The following IKZF3 variants were observed in gnomAD, a reference collection of about 807,000 sequenced individuals.
IKZF3 encodes the protein IKAROS family zinc finger 3, also known as zinc finger protein Aiolos.
In IKZF3, 10 loss-of-function variants were observed where a neutral mutation model predicts 49.0. The ratio of observed to expected loss-of-function variants is 0.20; its 90% CI spans 0.13 to 0.35. The LOEUF (loss-of-function observed/expected upper bound fraction) is 0.35. IKZF3 is among the 10% of genes least tolerant of loss of function. The pLI is 1.00. For missense variants in IKZF3, 498 were observed against 664.8 expected, an observed-to-expected ratio of 0.75 and a Z score of 2.76; for synonymous variants, 209 against 228.2, an observed-to-expected ratio of 0.92 and a Z score of 0.76.
intron 7 of IKZF3, among the ~76,000 whole-genome samples, chr17:39,766,863 T>G (rs1736913808): frequency 6.6e-6 from 1 of 152,146 alleles, no homozygotes; most frequent in South Asian, 2.1e-4. Context: ...GCCTGGGACT[T>G]CTGCTATAGT....
intron 3 of IKZF3, among the ~76,000 whole-genome samples, chr17:39,803,503 A>ATTCACT (rs932136146): frequency 3.3e-5 from 5 of 151,590 alleles, no homozygotes; most frequent in Non-Finnish European, 5.9e-5. Flanking sequence ...TGCATAGAAT[A>ATTCACT]TTCACTCTAT....
chr17:39,761,581 A>ATATATATATATATATATATATAC lies in IKZF3; in HGVS notation c.*4208_*4209insGTATATATATATATATATATATA, dbSNP rs1567944278. Reference sequence around the variant, plus strand: ...ATACATACATATATATACATATACAAAAAAAATAAAAATAAATTAAAAAAT... The same window carrying ATATATATATATATATATATATAC: ...ATACATACATATATATACATATACAATATATATATATATATATATATACAAAAAATAAAAATAAATTAAAAAAT... On this transcript the variant is annotated 3_prime_UTR_variant, in exon 8 of 8. Coordinates refer to ENST00000346872, the MANE Select transcript of IKZF3 (RefSeq NM_012481.5). The ATATATATATATATATATATATAC allele has an allele frequency of 4.1e-5, 6 of 146,932 alleles. No homozygotes were observed. Among genetic ancestry groups the ATATATATATATATATATATATAC allele is most frequent in the African/African-American group, 1.6e-4 (6 of 37,704 alleles). The allele number at this position is 146,932 out of a possible 1,614,324, so 9.1% of individuals were successfully genotyped here.
intron 6 of IKZF3, among the ~76,000 whole-genome samples, chr17:39,783,839 G>A (rs963452114): frequency 1.3e-5 from 2 of 152,142 alleles, no homozygotes; most frequent in Non-Finnish European, 2.9e-5. Flanking sequence ...TGAGGCAGGA[G>A]AATTGCTTGA....
intron 6 of IKZF3, among the ~76,000 whole-genome samples, chr17:39,787,302 A>G (rs1243363691): frequency 1.3e-5 from 2 of 152,266 alleles, no homozygotes; most frequent in Non-Finnish European, 2.9e-5. Flanking sequence ...TAAAACCACA[A>G]TTGAGATATA....
chr17:39,778,185 C>T, intron 6 of IKZF3: 1 of 987,294 alleles, frequency 1.0e-6, no homozygotes. Context: ...CATGGTGCCC[C>T]AGATTTACTG....
At chr17:39,832,694 G>A (rs1267412861) in intron 1 of IKZF3, among the ~76,000 whole-genome samples, 1 of 152,062 alleles carries the variant, frequency 6.6e-6, no homozygotes, top group Non-Finnish European at 1.5e-5. Flanking sequence ...TCTCATGGAG[G>A]TGGAAAGTAG....
chr17:39,809,821 A>G (rs2061510294), intron 3 of IKZF3, among the ~76,000 whole-genome samples: 1 of 152,222 alleles, frequency 6.6e-6, no homozygotes, highest in Non-Finnish European at 1.5e-5. Flanking sequence ...GATGATGAAG[A>G]AAGGGAGATT....
At chr17:39,776,016 G>A (rs1196744981) in intron 7 of IKZF3, among the ~76,000 whole-genome samples, 4 of 151,648 alleles carry the variant, frequency 2.6e-5, no homozygotes, top group African/African-American at 4.8e-5. Flanking sequence ...TCCTCTTGTC[G>A]GCTTCAGCCA....
intron 1 of IKZF3, among the ~76,000 whole-genome samples, chr17:39,832,388 G>A (rs1299772016): frequency 6.6e-6 from 1 of 151,164 alleles, no homozygotes; most frequent in Admixed American, 6.6e-5. Flanking sequence ...CTTACACCAA[G>A]AACAATATGC....
intron 1 of IKZF3, among the ~76,000 whole-genome samples, chr17:39,848,352 T>G (rs2062695245): frequency 6.6e-6 from 1 of 152,250 alleles, no homozygotes; most frequent in Non-Finnish European, 1.5e-5. Context: ...TCAGTTACCC[T>G]TAAGTTGTAG....
chr17:39,788,570 G>C (rs1290767191), intron 5 of IKZF3, among the ~76,000 whole-genome samples, 196 bp from the exon 6 acceptor site: 1 of 152,142 alleles, frequency 6.6e-6, no homozygotes, highest in African/African-American at 2.4e-5. Context: ...TTACGTCAGA[G>C]TATTCTTCAA....
chr17:39,828,299 C>G (rs1343524472), intron 3 of IKZF3, among the ~76,000 whole-genome samples: 1 of 152,130 alleles, frequency 6.6e-6, no homozygotes, highest in Non-Finnish European at 1.5e-5. Flanking sequence ...CCACTAGTTC[C>G]GTACCTGTGT....
At chr17:39,800,052 C>T (rs865912436) in intron 3 of IKZF3, among the ~76,000 whole-genome samples, 4 of 152,116 alleles carry the variant, frequency 2.6e-5, no homozygotes, top group African/African-American at 7.2e-5. Context: ...TGGCAACACC[C>T]GTTCATTTAA....
intron 7 of IKZF3, among the ~76,000 whole-genome samples, chr17:39,772,550 C>T (rs1042544659): frequency 6.6e-6 from 1 of 152,184 alleles, no homozygotes; most frequent in Admixed American, 6.5e-5. Flanking sequence ...ACTAACACTT[C>T]TTGCAGGAGG....
intron 3 of IKZF3, among the ~76,000 whole-genome samples, chr17:39,797,374 G>C (rs2061194750): frequency 6.6e-6 from 1 of 150,846 alleles, no homozygotes; most frequent in Admixed American, 6.6e-5. Context: ...CAACACTACT[G>C]ACCACTCACC....
At chr17:39,826,407 A>G (rs1432045021) in intron 3 of IKZF3, among the ~76,000 whole-genome samples, 1 of 152,220 alleles carries the variant, frequency 6.6e-6, no homozygotes, top group African/African-American at 2.4e-5. Flanking sequence ...GTAATTAAAG[A>G]AGGTAAAAAC....
intron 1 of IKZF3, 49 bp downstream of exon 1, chr17:39,864,071 G>A (rs769355713): frequency 1.9e-6 from 3 of 1,611,176 alleles, no homozygotes; most frequent in Admixed American, 3.3e-5. Context: ...GCTTGCACAG[G>A]TTAAGTTTCT....
intron 3 of IKZF3, among the ~76,000 whole-genome samples, chr17:39,818,916 T>C (rs577178730): frequency 6.6e-6 from 1 of 151,740 alleles, no homozygotes; most frequent in East Asian, 1.9e-4. Flanking sequence ...AGTAAATAAC[T>C]GTTTCTTTTC....
rs868062062 is a variant in IKZF3, at chr17:39,776,725, A to C, written c.826+926T>G. ...TCAAATTTAGTCAGATTTAAAAACC[A>C]GGCAGGCAACTTATTATCTGTAAGA... On this transcript the variant is annotated intron_variant, in intron 7 of 7. Coordinates refer to ENST00000346872, the MANE Select transcript of IKZF3 (RefSeq NM_012481.5). 4.6e-5 allele frequency among the ~76,000 whole-genome samples: 7 copies of C among 152,386 alleles called. No homozygotes were observed. The South Asian group carries it at 1.4e-3, about 32-fold the overall frequency.
Sources: gnomAD v4.1 joint callset for allele counts (sites outside exome capture counted in the v4.1 genomes callset) on GRCh38, gnomAD v4.1.1 for gene constraint, MANE v1.5 for transcripts, NCBI Gene and HGNC (gene_info 2026-07-23, HGNC 2026-07-21) for gene names.